Variants in SPATS1 observed in about 807,000 individuals in gnomAD.
SPATS1 encodes spermatogenesis-associated serine-rich protein 1.
A neutral mutation model predicts 33.6 loss-of-function variants in SPATS1; 23 were observed. The ratio of observed to expected loss-of-function variants is 0.68; its 90% CI spans 0.49 to 0.97. The LOEUF is 0.97. Ranked by LOEUF, SPATS1 falls within the 50% of genes least tolerant of loss-of-function variation. The probability of loss-of-function intolerance (pLI) is 0.00; values close to 1 mark genes in which losing one functional copy is unlikely to be tolerated. For synonymous variants in SPATS1, 131 were observed against 125.6 expected (o/e 1.04, Z -0.29); for missense variants, 327 against 361.0 (o/e 0.91, Z 0.76).
chr6:44,361,273 A>G (rs1788901809), intron 4 of SPATS1: 4 of 900,058 alleles, frequency 4.4e-6, no homozygotes, highest in Non-Finnish European at 4.0e-6. Context: ...AGATGATGAA[A>G]CAAAGGCACT....
In SPATS1 at chr6:44,377,187, G is replaced by C. The variant is rs1790015104; in HGVS notation, c.*124G>C. ...CCCTTATGAGGAAGTGTTGTGCTTT[G>C]CTTTTTTAAAACTTTATATTTTGAA... On this transcript the variant is annotated 3_prime_UTR_variant, in exon 9 of 9. Coordinates refer to ENST00000674044, the MANE Select transcript of SPATS1 (RefSeq NM_001372081.1). The C allele has an allele frequency of 7.9e-7, 1 of 1,263,874 alleles. No homozygotes were observed. Among genetic ancestry groups the C allele is most frequent in the Non-Finnish European group, 1.1e-6 (1 of 892,098 alleles). 78.3% of individuals were successfully genotyped at this position (1,263,874 alleles called of 1,614,324 possible).
At chr6:44,357,632 T>C (rs930202183) in intron 3 of SPATS1, among the ~76,000 whole-genome samples, 1 of 152,192 alleles carries the variant, frequency 6.6e-6, no homozygotes, top group African/African-American at 2.4e-5. Flanking sequence ...TCCACCCCCC[T>C]CAGCCTCCCA....
Position 44,343,138 on chromosome 6 carries a change from C to T in SPATS1, c.43C>T (p.Arg15Cys), listed in dbSNP as rs1282993032. The change falls in exon 2 of 9, where the codon CGT (arginine) becomes TGT (cysteine). Residue 15 changes from arginine to cysteine, a missense_variant. Physicochemically the swap from Arg to Cys is radical, Grantham distance 180. Transcript: ENST00000674044. ...MLTGNSPRGC[R>C]LPSISSTTCG... ...CACTGGAAACAGTCCACGGGGCTGC[C>T]GTCTCCCCTCCATCTCAAGCACGAC... is the stretch of plus-strand genomic sequence containing the variant. 3 of 1,614,138 alleles carry T rather than the reference C, an allele frequency of 1.9e-6. No individual in the cohort carries two copies. Among genetic ancestry groups the T allele is most frequent in the South Asian group, 1.1e-5 (1 of 91,084 alleles).
intron 3 of SPATS1, 79 bp downstream of exon 3, chr6:44,352,952 G>A: frequency 6.8e-7 from 1 of 1,471,852 alleles, no homozygotes; most frequent in Non-Finnish European, 9.3e-7. Flanking sequence ...AGGTAGCATG[G>A]TATGCTTGGC....
chr6:44,357,057 G>A (rs1421667591), intron 3 of SPATS1, among the ~76,000 whole-genome samples: 1 of 152,126 alleles, frequency 6.6e-6, no homozygotes, highest in African/African-American at 2.4e-5. Context: ...ATTATTTAAT[G>A]ATATTCCATT....
At chr6:44,369,139 G>A (rs113757998) in intron 6 of SPATS1, among the ~76,000 whole-genome samples, 73 of 152,130 alleles carry the variant, frequency 4.8e-4, no homozygotes, top group African/African-American at 1.3e-3. Flanking sequence ...CTCGTGATCC[G>A]CCCGCCTTGG....
In SPATS1 at chr6:44,360,922, A is replaced by G. The variant is rs185265114; in HGVS notation, c.412+352A>G. ...TTGAAATGTATGTGTGTGTGTATAC[A>G]TACACGTGTACATATATAGATATAA... On this transcript the variant is annotated intron_variant, in intron 4 of 8. Transcript: ENST00000674044. 8.3e-3 allele frequency among the ~76,000 whole-genome samples: 1,259 copies of G among 152,296 alleles called. 7 individuals are homozygous for G. The highest frequency in any genetic ancestry group is 0.017 in the South Asian group (82 of 4,828).
chr6:44,353,194 C>T (rs774279808), intron 3 of SPATS1, among the ~76,000 whole-genome samples: 54 of 152,196 alleles, frequency 3.5e-4, no homozygotes, highest in African/African-American at 1.2e-3. Flanking sequence ...CTTGCTATTA[C>T]GAAGTTCAAA....
At chr6:44,369,510 G>A (rs939525471) in intron 6 of SPATS1, among the ~76,000 whole-genome samples, 9 of 151,434 alleles carry the variant, frequency 5.9e-5, no homozygotes, top group East Asian at 3.9e-4. Flanking sequence ...AGATTGCAGC[G>A]CCACACTCTA....
In SPATS1 at chr6:44,377,149, A is replaced by G. The variant is rs1168144096; in HGVS notation, c.*86A>G. The G allele has an allele frequency of 2.6e-6, 4 of 1,530,550 alleles. No individual in the cohort carries two copies. The Admixed American group carries it at 6.7e-5, about 26-fold the overall frequency. 94.8% of individuals were successfully genotyped at this position (1,530,550 alleles called of 1,614,324 possible). On this transcript the variant is annotated 3_prime_UTR_variant, in exon 9 of 9. Transcript: ENST00000674044. ...GTTTTTTGTCATGTGACTGTTCTAA[A>G]TCCAGTGTTTGACCCTTATGAGGAA...
rs1788464156 is a variant in SPATS1, at chr6:44,354,762, T to TA, written c.287+1890dup. On this transcript the variant is annotated intron_variant, in intron 3 of 8. Coordinates refer to ENST00000674044, the MANE Select transcript of SPATS1 (RefSeq NM_001372081.1). ...GGCTCACTCTTGGTGTTGCACAGTCTATGGGTTTGGACAAATGTATAATGG... is the reference window on the plus strand; with the variant it reads ...GGCTCACTCTTGGTGTTGCACAGTCTAATGGGTTTGGACAAATGTATAATGG... 2.0e-5 allele frequency among the ~76,000 whole-genome samples: 3 copies of TA among 152,314 alleles called. No individual in the cohort carries two copies. The South Asian group carries it at 6.2e-4, about 32-fold the overall frequency.
rs552676612 is a variant in SPATS1, at chr6:44,359,072, C to T, written c.288-1374C>T. 2.0e-4 allele frequency among the ~76,000 whole-genome samples: 30 copies of T among 152,028 alleles called. 3 individuals are homozygous for T. In the South Asian group the frequency reaches 6.2e-3, roughly 32 times the overall value. ...CTGGAATGAGGTGGAGTGATCCTTCCACCTCAGCCTCCCAAGTAGCTAGAA... is the reference window on the plus strand; with the variant it reads ...CTGGAATGAGGTGGAGTGATCCTTCTACCTCAGCCTCCCAAGTAGCTAGAA... On this transcript the variant is annotated intron_variant, in intron 3 of 8. Transcript: ENST00000674044.
At chr6:44,344,499 A>C (rs1787760626) in intron 2 of SPATS1, among the ~76,000 whole-genome samples, 1 of 151,810 alleles carries the variant, frequency 6.6e-6, no homozygotes, top group South Asian at 2.1e-4. Flanking sequence ...ACGGGTTAAA[A>C]ACTTCTGTCC....
Position 44,368,374 on chromosome 6 carries a change from C to T in SPATS1, c.575-5C>T. On this transcript the variant is annotated splice_polypyrimidine_tract_variant and splice_region_variant and intron_variant, in intron 5 of 8. Coordinates refer to ENST00000674044, the MANE Select transcript of SPATS1 (RefSeq NM_001372081.1). The stretch of plus-strand genomic sequence containing the variant: ...TATGATTTTGTTTTCAAACCTTCTC[C>T]ACAGATATTGATCCCAGGAATGGAA... The T allele has an allele frequency of 6.2e-7, 1 of 1,612,172 alleles. No individual in the cohort carries two copies. The highest frequency in any genetic ancestry group is 8.5e-7 in the Non-Finnish European group (1 of 1,179,204).
At chr6:44,349,110 G>A (rs1273976314) in intron 2 of SPATS1, among the ~76,000 whole-genome samples, 1 of 151,504 alleles carries the variant, frequency 6.6e-6, no homozygotes, top group Non-Finnish European at 1.5e-5. Context: ...CAGCCGGGGG[G>A]ACAGAGCGAG....
At position 44,361,820 on chromosome 6, in the gene SPATS1, G is replaced by C; in HGVS notation, c.413-11G>C. 1 of 1,614,214 alleles carries C rather than the reference G, an allele frequency of 6.2e-7. No homozygotes were observed. The highest frequency in any genetic ancestry group is 8.5e-7 in the Non-Finnish European group (1 of 1,180,036). ...AACAGTGCTAATGGAAGGCTTTCTG[G>C]TGTATTGCAGAAGATGGGCATCGTC... is the stretch of plus-strand genomic sequence containing the variant. On this transcript the variant is annotated splice_polypyrimidine_tract_variant and intron_variant, in intron 4 of 8. Coordinates refer to ENST00000674044, the MANE Select transcript of SPATS1 (RefSeq NM_001372081.1).
chr6:44,343,494 G>GT, intron 2 of SPATS1: 1 of 567,420 alleles, frequency 1.8e-6, no homozygotes, highest in Non-Finnish European at 3.3e-6. Flanking sequence ...TTACCTATGA[G>GT]TAAAGGGAGC....
At chr6:44,346,847 C>T (rs569991131) in intron 2 of SPATS1, among the ~76,000 whole-genome samples, 1 of 152,190 alleles carries the variant, frequency 6.6e-6, no homozygotes, top group Non-Finnish European at 1.5e-5. Flanking sequence ...ACTAGAAATA[C>T]CATTTGACCC....
chr6:44,370,714 G>A (rs571709594), intron 7 of SPATS1, among the ~76,000 whole-genome samples: 1 of 152,156 alleles, frequency 6.6e-6, no homozygotes, highest in East Asian at 1.9e-4. Context: ...GGAGCTCAGT[G>A]GGAATAAAAA....
Sources: allele counts gnomAD v4.1 joint callset (sites outside exome capture counted in the v4.1 genomes callset), GRCh38; gene constraint gnomAD v4.1.1; transcripts MANE v1.5; gene names NCBI Gene and HGNC (gene_info 2026-07-23, HGNC 2026-07-21).